Variants in GRM5 observed in about 807,000 individuals in gnomAD.
The protein encoded by GRM5 is glutamate metabotropic receptor 5, also known as metabotropic glutamate receptor 5.
A neutral mutation model predicts 83.1 loss-of-function variants in GRM5; 19 were observed. The ratio of observed to expected loss-of-function variants is 0.23; its 90% CI spans 0.16 to 0.34. The LOEUF is 0.34. Ranked by LOEUF, GRM5 falls within the 10% of genes least tolerant of loss-of-function variation. GRM5 has a pLI of 1.00. For synonymous variants in GRM5, 675 were observed against 633.6 expected (o/e 1.07, Z -0.98); for missense variants, 1,160 against 1,588.3 (o/e 0.73, Z 4.58).
chr11:88,933,733 C>T (rs1937796171), intron 2 of GRM5, among the ~76,000 whole-genome samples: 1 of 151,824 alleles, frequency 6.6e-6, no homozygotes, highest in Admixed American at 6.6e-5. Context: ...CAAGAAATCA[C>T]ACATGTTTGA....
At chr11:88,640,510 A>G (rs537985374) in intron 4 of GRM5, among the ~76,000 whole-genome samples, 1 of 152,284 alleles carries the variant, frequency 6.6e-6, no homozygotes, top group Non-Finnish European at 1.5e-5. Context: ...GTGTCCTCCA[A>G]TTAAATTCTG....
At chr11:88,603,656 T>G (rs1162226898) in intron 5 of GRM5, among the ~76,000 whole-genome samples, 1 of 152,198 alleles carries the variant, frequency 6.6e-6, no homozygotes, top group Non-Finnish European at 1.5e-5. Context: ...ACCTGGGTTT[T>G]CACTTGGCTG....
At chr11:88,860,165 G>T (rs1421022490) in intron 2 of GRM5, among the ~76,000 whole-genome samples, 1 of 152,086 alleles carries the variant, frequency 6.6e-6, no homozygotes, top group Non-Finnish European at 1.5e-5. Context: ...TTTCCATAAT[G>T]AAAAAATCAC....
intron 3 of GRM5, among the ~76,000 whole-genome samples, chr11:88,829,514 TAA>T (rs1341720454): frequency 2.0e-5 from 3 of 151,854 alleles, no homozygotes; most frequent in Non-Finnish European, 4.4e-5. Flanking sequence ...GAAAGATAAA[TAA>T]AACAATAGTA....
At chr11:89,037,504 T>C (rs77693190) in intron 2 of GRM5, among the ~76,000 whole-genome samples, 6,045 of 152,224 alleles carry the variant, frequency 0.04, 405 homozygotes, top group African/African-American at 0.13. Context: ...TGGAATCTGA[T>C]TTTTCACCCT....
chr11:88,907,602 T>C (rs1945427849), intron 2 of GRM5, among the ~76,000 whole-genome samples: 1 of 152,204 alleles, frequency 6.6e-6, no homozygotes, highest in Non-Finnish European at 1.5e-5. Flanking sequence ...GAAATTATTA[T>C]AATTACATGG....
intron 3 of GRM5, among the ~76,000 whole-genome samples, chr11:88,747,599 T>C (rs1303764466): frequency 2.6e-5 from 4 of 152,006 alleles, no homozygotes; most frequent in Non-Finnish European, 5.9e-5. Context: ...TTCTTCCTTA[T>C]CTAACATGCA....
chr11:89,042,403 A>G (rs1030927243), intron 2 of GRM5, among the ~76,000 whole-genome samples: 3 of 152,286 alleles, frequency 2.0e-5, no homozygotes, highest in Middle Eastern at 6.8e-3. Flanking sequence ...CTCTGCAACT[A>G]ATTATCTGAC....
intron 4 of GRM5, among the ~76,000 whole-genome samples, chr11:88,627,990 T>A (rs2135267059): frequency 6.6e-6 from 1 of 152,324 alleles, no homozygotes; most frequent in East Asian, 1.9e-4. Context: ...CCAGCCTTAT[T>A]TGTTACAATC....
chr11:88,998,238 A>G (rs1385404098), intron 2 of GRM5, among the ~76,000 whole-genome samples: 1 of 152,180 alleles, frequency 6.6e-6, no homozygotes, highest in South Asian at 2.1e-4. Context: ...AGCAGTTTAT[A>G]CACCATGACC....
intron 2 of GRM5, among the ~76,000 whole-genome samples, chr11:88,981,043 T>C (rs1303676040): frequency 6.6e-6 from 1 of 152,164 alleles, no homozygotes; most frequent in Non-Finnish European, 1.5e-5. Context: ...AAAAAATCTA[T>C]GGTTAGGAAC....
At position 88,695,934 on chromosome 11, in the gene GRM5, C is replaced by CT. The variant is rs569331994; in HGVS notation, c.912-42532dup. On this transcript the variant is annotated intron_variant, in intron 3 of 9. Coordinates refer to ENST00000305447, the MANE Select transcript of GRM5 (RefSeq NM_001143831.3). ...CAGTAGGCATGTGTTACAGTTTGCTCTTTCAGTTTTGCCCTCTTCAGGCGA... is the reference window on the plus strand; with the variant it reads ...CAGTAGGCATGTGTTACAGTTTGCTCTTTTCAGTTTTGCCCTCTTCAGGCGA... 8.5e-5 allele frequency among the ~76,000 whole-genome samples: 13 copies of CT among 152,300 alleles called. No homozygotes were observed. The South Asian group carries it at 2.5e-3, about 29-fold the overall frequency.
chr11:88,720,979 C>A (rs1226969036), intron 3 of GRM5, among the ~76,000 whole-genome samples: 1 of 151,954 alleles, frequency 6.6e-6, no homozygotes, highest in African/African-American at 2.4e-5. Context: ...TGTGGGATAG[C>A]CATCACGTAG....
chr11:88,904,718 C>A (rs552622688), intron 2 of GRM5, among the ~76,000 whole-genome samples: 1 of 152,094 alleles, frequency 6.6e-6, no homozygotes, highest in African/African-American at 2.4e-5. Context: ...ATGTATTACA[C>A]ACAATGCATT....
intron 2 of GRM5, among the ~76,000 whole-genome samples, chr11:88,857,445 G>A: frequency 6.6e-6 from 1 of 152,068 alleles, no homozygotes. Context: ...GTCCTTTAAT[G>A]TGAATTAGAA....
intron 2 of GRM5, among the ~76,000 whole-genome samples, chr11:88,990,400 C>A (rs554473490): frequency 3.9e-4 from 58 of 150,574 alleles, no homozygotes; most frequent in African/African-American, 1.4e-3. Flanking sequence ...AGTCCAGGAC[C>A]AGATGGATTC....
chr11:88,958,435 G>A (rs1421426406), intron 2 of GRM5, among the ~76,000 whole-genome samples: 1 of 151,614 alleles, frequency 6.6e-6, no homozygotes, highest in Non-Finnish European at 1.5e-5. Flanking sequence ...AAAACAACTT[G>A]TTCAATAAAT....
chr11:88,699,517 C>T (rs1451698646), intron 3 of GRM5, among the ~76,000 whole-genome samples: 1 of 152,168 alleles, frequency 6.6e-6, no homozygotes, highest in Non-Finnish European at 1.5e-5. Context: ...GTCTGGGCCT[C>T]TCCATCATCT....
chr11:88,554,082 T>G (rs1482566732), intron 8 of GRM5, among the ~76,000 whole-genome samples: 2 of 152,130 alleles, frequency 1.3e-5, no homozygotes, highest in African/African-American at 4.8e-5. Context: ...GTTCTGGAGA[T>G]CAGAAGGCTG....
Sources: allele counts gnomAD v4.1 joint callset (sites outside exome capture counted in the v4.1 genomes callset), GRCh38; gene constraint gnomAD v4.1.1; transcripts MANE v1.5; gene names NCBI Gene and HGNC (gene_info 2026-07-23, HGNC 2026-07-21).